The following SH3BP2 variants were observed in gnomAD, a reference collection of about 807,000 sequenced individuals.
SH3BP2 encodes SH3 domain-binding protein 2.
A neutral mutation model predicts 56.2 loss-of-function variants in SH3BP2; 38 were observed. The observed-to-expected ratio is 0.68, with a 90% CI of 0.52 to 0.89. The LOEUF (loss-of-function observed/expected upper bound fraction) is 0.89. SH3BP2 is among the 40% of genes least tolerant of loss of function. The pLI is 0.00. For synonymous variants in SH3BP2, 346 were observed against 316.7 expected, an observed-to-expected ratio of 1.09 and a Z score of -0.98; for missense variants, 748 against 762.6, an observed-to-expected ratio of 0.98 and a Z score of 0.23.
intron 1 of SH3BP2, among the ~76,000 whole-genome samples, chr4:2,798,232 C>G (rs1275533538): frequency 1.3e-5 from 2 of 152,158 alleles, no homozygotes; most frequent in African/African-American, 2.4e-5. Flanking sequence ...TCTCCCTGAA[C>G]GAAAGTGCTT....
intron 1 of SH3BP2, among the ~76,000 whole-genome samples, chr4:2,801,667 C>G (rs1168222457): frequency 6.6e-6 from 1 of 152,200 alleles, no homozygotes; most frequent in Admixed American, 6.5e-5. Context: ...GGACAAGACC[C>G]AGCCTAGACA....
Position 2,831,013 on chromosome 4 carries a change from T to C in SH3BP2, c.1242-558T>C, listed in dbSNP as rs113207798. Among the ~76,000 whole-genome samples, 1 of 152,232 alleles carries C rather than the reference T, an allele frequency of 6.6e-6. No homozygotes were observed. The highest frequency in any genetic ancestry group is 2.4e-5 in the African/African-American group (1 of 41,462). ...GATGCAGATGTTCGGAAGTCACGTT[T>C]TTCCATGACTGTGGGGATAGCGGTT... On this transcript the variant is annotated intron_variant, in intron 8 of 12. Transcript: ENST00000503393. This position sits in a 1 kb window ranked among gnomAD's most constrained non-coding sequence, Gnocchi z 4.1.
Position 2,833,717 on chromosome 4 carries a change from G to A in SH3BP2, c.1569G>A (p.Glu523=). Residue 523 remains glutamate (E), a synonymous_variant, in exon 13 of 13, where the codon GAG becomes GAA. Transcript: ENST00000503393. ...IFEKDSKFYL[E]GEVLFVSVGS... is the part of the protein sequence containing the mutation. ...CACAGGACTCTAAGTTCTACCTGGAGGGCGAGGTCCTGTTTGTGAGTGTGG... is the reference window on the plus strand; with the variant it reads ...CACAGGACTCTAAGTTCTACCTGGAAGGCGAGGTCCTGTTTGTGAGTGTGG... 1 of 1,610,706 alleles carries A rather than the reference G, an allele frequency of 6.2e-7. No individual in the cohort carries two copies. The highest frequency in any genetic ancestry group is 8.5e-7 in the Non-Finnish European group (1 of 1,178,626).
chr4:2,799,185 G>A lies in SH3BP2; in HGVS notation c.-5+6047G>A, dbSNP rs115407572. ...CACAGGTGGCTCCTTCCTCCCCACCGGAGGAGCTGCTCCCAGGCGGGACCC... is the reference window on the plus strand; with the variant it reads ...CACAGGTGGCTCCTTCCTCCCCACCAGAGGAGCTGCTCCCAGGCGGGACCC... On this transcript the variant is annotated intron_variant, in intron 1 of 12. Transcript: ENST00000503393. 1.4e-3 allele frequency: 1,381 copies of A among 985,588 alleles called. 12 individuals are homozygous for A. In the African/African-American group the frequency reaches 0.022, roughly 16 times the overall value. The allele number at this position is 985,588 out of a possible 1,614,324, so 61.1% of individuals were successfully genotyped here. A position where few individuals can be genotyped will look rare whatever the true frequency, so the allele number is the denominator to read the frequency against.
In SH3BP2 at chr4:2,797,348, G is replaced by A. The variant is rs150508991; in HGVS notation, c.-5+4210G>A. On this transcript the variant is annotated intron_variant, in intron 1 of 12. Coordinates refer to ENST00000503393, the MANE Select transcript of SH3BP2 (RefSeq NM_001122681.2). ...CACCCACCCTGGTTTCTGCCTCTGG[G>A]GCAGTGGTGGACCTCCTTCAGAAGG... Among the ~76,000 whole-genome samples, 1,096 of 152,278 alleles carry A rather than the reference G, an allele frequency of 7.2e-3. 3 individuals carry two copies. The highest frequency in any genetic ancestry group is 0.012 in the Non-Finnish European group (812 of 68,012).
intron 2 of SH3BP2, among the ~76,000 whole-genome samples, chr4:2,822,317 G>A (rs1234877639): frequency 3.3e-5 from 5 of 152,226 alleles, no homozygotes; most frequent in Admixed American, 2.0e-4. Flanking sequence ...CACCGTGTCC[G>A]GCTAAGTTTT....
At position 2,831,829 on chromosome 4, in the gene SH3BP2, C is replaced by T. The variant is rs1725003666; in HGVS notation, c.1351-94C>T. ...TAGGGGGACACAGCACCATGTAAAG[C>T]CCCGGATCCCGGCACCGGGTGGCCA... On this transcript the variant is annotated intron_variant, in intron 9 of 12. Coordinates refer to ENST00000503393, the MANE Select transcript of SH3BP2 (RefSeq NM_001122681.2). The surrounding 1 kb of genome is among the most constrained non-coding windows in gnomAD (Gnocchi z 4.1). 4 of 1,451,542 alleles carry T rather than the reference C, an allele frequency of 2.8e-6. No homozygotes were observed. Among genetic ancestry groups the T allele is most frequent in the South Asian group, 1.2e-5 (1 of 84,950 alleles). 89.9% of individuals were successfully genotyped at this position (1,451,542 alleles called of 1,614,324 possible).
intron 1 of SH3BP2, chr4:2,815,053 C>T (rs1723934263): frequency 6.6e-6 from 1 of 152,300 alleles, no homozygotes; most frequent in Non-Finnish European, 1.5e-5. Context: ...GGGATGCCCC[C>T]TGGTTTTCCC....
At chr4:2,806,977 T>G (rs1723560162) in intron 1 of SH3BP2, among the ~76,000 whole-genome samples, 2 of 152,272 alleles carry the variant, frequency 1.3e-5, no homozygotes, top group African/African-American at 4.8e-5. Flanking sequence ...GTCTGCATTT[T>G]TCTTAATTCC....
chr4:2,800,097 G>A (rs1311154957), intron 1 of SH3BP2, among the ~76,000 whole-genome samples: 1 of 152,100 alleles, frequency 6.6e-6, no homozygotes, highest in Non-Finnish European at 1.5e-5. Context: ...GCTGCAGAAG[G>A]CTGGGTGGGA....
chr4:2,824,840 C>T, intron 4 of SH3BP2, 110 bp downstream of exon 4: 2 of 871,082 alleles, frequency 2.3e-6, no homozygotes, highest in Non-Finnish European at 3.8e-6. Flanking sequence ...GGCCTCTCAG[C>T]CCCGGGCAAA....
chr4:2,824,913 C>G lies in SH3BP2; in HGVS notation c.357+183C>G, dbSNP rs1724514620. ...GCTGCCCCAGCTCCATCCCCATGCC[C>G]AGAGCCTGGTGCCAGCGCCCACACA... On this transcript the variant is annotated intron_variant, in intron 4 of 12. Coordinates refer to ENST00000503393, the MANE Select transcript of SH3BP2 (RefSeq NM_001122681.2). 7.5e-6 allele frequency: 5 copies of G among 670,324 alleles called. No homozygotes were observed. In the Admixed American group the frequency reaches 1.1e-4, roughly 15 times the overall value. 41.5% of individuals were successfully genotyped at this position (670,324 alleles called of 1,614,324 possible).
chr4:2,799,062 A>G, intron 1 of SH3BP2: 2 of 985,462 alleles, frequency 2.0e-6, no homozygotes, highest in Non-Finnish European at 2.4e-6. Context: ...ATTAGGACTA[A>G]TGGCGCTCAG....
chr4:2,833,160 C>A, intron 12 of SH3BP2, 111 bp downstream of exon 12: 1 of 929,218 alleles, frequency 1.1e-6, no homozygotes, highest in Non-Finnish European at 1.8e-6. Flanking sequence ...CTGGCACCTC[C>A]AGGATACCGC....
At position 2,823,056 on chromosome 4, in the gene SH3BP2, T is replaced by C. The variant is rs573351563; in HGVS notation, c.239+19T>C. 33 of 1,576,746 alleles carry C rather than the reference T, an allele frequency of 2.1e-5. No homozygotes were observed. In the East Asian group the frequency reaches 6.9e-4, roughly 33 times the overall value. On this transcript the variant is annotated intron_variant, in intron 3 of 12. Coordinates refer to ENST00000503393, the MANE Select transcript of SH3BP2 (RefSeq NM_001122681.2). ...ATAACCGGTAAGTGCCCGACCTGCC[T>C]GCTGACCTCGGGCCCCCACAGCCAG...
intron 1 of SH3BP2, among the ~76,000 whole-genome samples, chr4:2,801,346 C>T (rs371404982): frequency 3.4e-3 from 514 of 152,322 alleles, no homozygotes; most frequent in African/African-American, 0.01. Context: ...GTCCCCTGCC[C>T]GGGCCCCGAG....
rs757299818 is a variant in SH3BP2 at position 2,825,655 on chromosome 4, C to G, written c.428+459C>G. Among the ~76,000 whole-genome samples, 3 of 152,252 alleles carry G rather than the reference C, an allele frequency of 2.0e-5. No homozygotes were observed. The East Asian group carries it at 5.8e-4, about 29-fold the overall frequency. On this transcript the variant is annotated intron_variant, in intron 5 of 12. Coordinates refer to ENST00000503393, the MANE Select transcript of SH3BP2 (RefSeq NM_001122681.2). ...TCTCTCTGCTCCTGTCTACCTCCAG[C>G]CCCATCTGTCACATCTGTTTCTGTG...
chr4:2,825,097 G>A (rs376306035), intron 4 of SH3BP2, 29 bp from the exon 5 acceptor site: 16 of 1,551,492 alleles, frequency 1.0e-5, no homozygotes, highest in Non-Finnish European at 1.4e-5. Context: ...TGGTGGCACC[G>A]TGCCCACCAC....
intron 1 of SH3BP2, among the ~76,000 whole-genome samples, chr4:2,815,662 G>C (rs1723961840): frequency 6.6e-6 from 1 of 152,334 alleles, no homozygotes; most frequent in East Asian, 1.9e-4. Context: ...ATAGCTTTTG[G>C]GTGGCGGGGG....
Sources: allele counts gnomAD v4.1 joint callset (sites outside exome capture counted in the v4.1 genomes callset), GRCh38; gene constraint gnomAD v4.1.1; non-coding constraint Gnocchi (gnomAD v3.1); transcripts MANE v1.5; gene names NCBI Gene and HGNC (gene_info 2026-07-23, HGNC 2026-07-21).